The following ANLN variants were observed in gnomAD, a reference collection of about 807,000 sequenced individuals.
The protein encoded by ANLN is anillin.
ANLN carries 59 observed loss-of-function variants against 135.1 expected under a neutral mutation model. The ratio of observed to expected loss-of-function variants is 0.44; its 90% confidence interval spans 0.35 to 0.54. The LOEUF is 0.54. Among genes scored for constraint, ANLN ranks in the 20% least tolerant of loss-of-function variants. The pLI is 0.00. For synonymous variants in ANLN, 406 were observed against 456.4 expected (o/e 0.89, Z 1.41); for missense variants, 1,182 against 1,340.0 (o/e 0.88, Z 1.84).
In ANLN at chr7:36,390,075, G is replaced by T. The variant is rs138545942; in HGVS notation, c.18+31G>T. ...TGAGTTTGCGGGTGCAGCCAGCCAT[G>T]ACCCACCGCTCTAGGCCCCCACCCA... On this transcript the variant is annotated intron_variant, in intron 1 of 23. Coordinates refer to ENST00000265748, the MANE Select transcript of ANLN (RefSeq NM_018685.5). 3.7e-6 allele frequency: 6 copies of T among 1,613,062 alleles called. No homozygotes were observed. In the African/African-American group the frequency reaches 6.7e-5, roughly 18 times the overall value.
At chr7:36,394,426 C>T (rs1424347347) in intron 1 of ANLN, among the ~76,000 whole-genome samples, 1 of 152,044 alleles carries the variant, frequency 6.6e-6, no homozygotes, top group African/African-American at 2.4e-5. Flanking sequence ...TTTTAGTTCT[C>T]ATATTGTATC....
rs1788102157 is a variant in ANLN, at chr7:36,426,919, T to C, written c.2774T>C (p.Met925Thr). Reference sequence around the variant, plus strand: ...TTAATTTCCTCGTTCTTCACAGTCATGGCCAGTCCAGGAGGTCTTAGTGCT... The same window carrying C: ...TTAATTTCCTCGTTCTTCACAGTCACGGCCAGTCCAGGAGGTCTTAGTGCT... ...TTKSNIHSSVMASPGGLSAVR... is the reference protein window; with the variant it reads ...TTKSNIHSSVTASPGGLSAVR... The change falls in exon 20 of 24, where the codon ATG (methionine) becomes ACG (threonine). Residue 925 changes from methionine to threonine, a missense_variant. Met to Thr is a moderately conservative substitution (Grantham distance 81, BLOSUM62 -1). Around this residue, in one of 3 missense-constraint regions of ANLN, gnomAD observed 1,022 missense variants for 1,134.0 expected, o/e 0.90. Coordinates refer to ENST00000265748, the MANE Select transcript of ANLN (RefSeq NM_018685.5). 4 of 1,594,346 alleles carry C rather than the reference T, an allele frequency of 2.5e-6. No homozygotes were observed. The highest frequency in any genetic ancestry group is 1.1e-5 in the South Asian group (1 of 87,140).
chr7:36,431,483 C>CT (rs926979605), intron 20 of ANLN, among the ~76,000 whole-genome samples: 18 of 150,764 alleles, frequency 1.2e-4, no homozygotes, highest in African/African-American at 4.4e-4. Flanking sequence ...TCTATCTTGA[C>CT]TCAGAAGTCA....
At chr7:36,413,078 C>A (rs1172486623) in intron 7 of ANLN, among the ~76,000 whole-genome samples, 2 of 151,916 alleles carry the variant, frequency 1.3e-5, no homozygotes, top group African/African-American at 4.8e-5. Flanking sequence ...ACCTCTGTGT[C>A]CTTAGTGCCT....
intron 9 of ANLN, among the ~76,000 whole-genome samples, chr7:36,419,032 C>G (rs1787764048): frequency 6.6e-6 from 1 of 152,114 alleles, no homozygotes; most frequent in South Asian, 2.1e-4. Context: ...GCTGGGATTA[C>G]CAATATTCAT....
intron 7 of ANLN, among the ~76,000 whole-genome samples, chr7:36,413,377 C>T (rs1002743565): frequency 7.2e-5 from 11 of 152,190 alleles, no homozygotes; most frequent in African/African-American, 2.7e-4. Flanking sequence ...TGATCTTCAC[C>T]TACTAATCAA....
Position 36,410,554 on chromosome 7 carries a change from G to A in ANLN, c.1137G>A (p.Glu379=). The A allele has an allele frequency of 6.2e-7, 1 of 1,613,710 alleles. No homozygotes were observed. Among genetic ancestry groups the A allele is most frequent in the Non-Finnish European group, 8.5e-7 (1 of 1,179,838 alleles). Residue 379 remains glutamate (E), a synonymous_variant, in exon 6 of 24, where the codon GAG becomes GAA. Coordinates refer to ENST00000265748, the MANE Select transcript of ANLN (RefSeq NM_018685.5). ...GIKPFLERFG[E]RCQEHSKESP... ...AGCCTTTCCTGGAACGCTTTGGAGA[G>A]CGTTGTCAAGAACATAGCAAAGAAA...
chr7:36,412,747 C>A (rs1351694416), intron 7 of ANLN, among the ~76,000 whole-genome samples: 1 of 152,160 alleles, frequency 6.6e-6, no homozygotes, highest in African/African-American at 2.4e-5. Context: ...TAGAATGATT[C>A]CTCACCTGGC....
At chr7:36,431,231 G>T (rs1788296332) in intron 20 of ANLN, among the ~76,000 whole-genome samples, 1 of 152,088 alleles carries the variant, frequency 6.6e-6, no homozygotes, top group Admixed American at 6.6e-5. Flanking sequence ...TTTTGGTTCT[G>T]CATTGTGGAT....
intron 21 of ANLN, among the ~76,000 whole-genome samples, chr7:36,440,797 A>G (rs988316170): frequency 3.9e-5 from 6 of 152,216 alleles, no homozygotes; most frequent in African/African-American, 1.4e-4. Context: ...GGAGGAAAGT[A>G]TGTGTGTAGA....
chr7:36,432,645 T>C lies in ANLN; in HGVS notation c.2883+5617T>C, dbSNP rs79430978. 9.3e-3 allele frequency among the ~76,000 whole-genome samples: 1,417 copies of C among 152,336 alleles called. 21 individuals carry two copies. Among genetic ancestry groups the C allele is most frequent in the African/African-American group, 0.032 (1,349 of 41,574 alleles). The stretch of plus-strand genomic sequence containing the variant: ...TGCCAACTCGTAGTCTACCATTTTG[T>C]TATTTGTTTTCTATTTGTTTCGTCT... On this transcript the variant is annotated intron_variant, in intron 20 of 23. Coordinates refer to ENST00000265748, the MANE Select transcript of ANLN (RefSeq NM_018685.5).
intron 5 of ANLN, among the ~76,000 whole-genome samples, chr7:36,408,894 T>C (rs1057297793): frequency 2.0e-5 from 3 of 152,344 alleles, no homozygotes; most frequent in African/African-American, 2.4e-5. Context: ...GACTAAAATA[T>C]ATGGTAATTG....
At position 36,419,478 on chromosome 7, in the gene ANLN, A is replaced by C. The variant is rs1385025515; in HGVS notation, c.1868A>C (p.Glu623Ala). Reference protein sequence around the residue: ...LAQTVGVVSPESLVSTPRLEL... With the variant: ...LAQTVGVVSPASLVSTPRLEL... ...CAAACAGTTGGTGTGGTAAGTCCAG[A>C]GGTAAGAAAAGGCTAACTAAACAGG... Residue 623 changes from glutamate (E) to alanine (A), a missense_variant and splice_region_variant, in exon 10 of 24, where the codon GAG (glutamate) becomes GCG (alanine). Coordinates refer to ENST00000265748, the MANE Select transcript of ANLN (RefSeq NM_018685.5). The C allele has an allele frequency of 6.2e-7, 1 of 1,611,934 alleles. No individual in the cohort carries two copies. Among genetic ancestry groups the C allele is most frequent in the Non-Finnish European group, 8.5e-7 (1 of 1,179,276 alleles).
At chr7:36,392,809 G>A (rs13241327) in intron 1 of ANLN, among the ~76,000 whole-genome samples, 16 of 151,678 alleles carry the variant, frequency 1.1e-4, no homozygotes, top group Middle Eastern at 3.4e-3. Flanking sequence ...ATTCATATAC[G>A]TTTGAATGAC....
chr7:36,435,602 G>C (rs553213392), intron 20 of ANLN, among the ~76,000 whole-genome samples: 1 of 151,954 alleles, frequency 6.6e-6, no homozygotes, highest in African/African-American at 2.4e-5. Flanking sequence ...GGCCGGGCGC[G>C]GTGGCTCACG....
rs540457873 is a variant in ANLN, at chr7:36,400,184, C to CT, written c.487+792dup. Among the ~76,000 whole-genome samples, 46 of 152,294 alleles carry CT rather than the reference C, an allele frequency of 3.0e-4. 1 individual carries two copies. Among genetic ancestry groups the CT allele is most frequent in the African/African-American group, 1.1e-3 (44 of 41,550 alleles). On this transcript the variant is annotated intron_variant, in intron 3 of 23. Transcript: ENST00000265748. ...CATGAAACAGTTATCAGTTACATGA[C>CT]TAACAAGCTAAAAGCAGAACCATCT...
chr7:36,425,822 T>C, intron 18 of ANLN, 82 bp downstream of exon 18: 3 of 1,439,432 alleles, frequency 2.1e-6, no homozygotes, highest in South Asian at 2.4e-5. Context: ...TAACCATTTC[T>C]GAACCTTGAG....
chr7:36,421,357 C>G (rs1451573649), intron 12 of ANLN, among the ~76,000 whole-genome samples: 1 of 151,900 alleles, frequency 6.6e-6, no homozygotes, highest in African/African-American at 2.4e-5. Context: ...CATGAGCCAC[C>G]ATGCCTGGCT....
At chr7:36,422,977 A>G (rs1460106850) in intron 14 of ANLN, among the ~76,000 whole-genome samples, 168 bp downstream of exon 14, 1 of 151,640 alleles carries the variant, frequency 6.6e-6, no homozygotes, top group African/African-American at 2.4e-5. Flanking sequence ...TCAGATATAT[A>G]TAGGGATACC....
Sources: gnomAD v4.1 joint callset for allele counts (sites outside exome capture counted in the v4.1 genomes callset) on GRCh38, gnomAD v4.1.1 for gene constraint, gnomAD v4.1.1 regional missense constraint, MANE v1.5 for transcripts, NCBI Gene and HGNC (gene_info 2026-07-23, HGNC 2026-07-21) for gene names.